Variants in LONRF1 observed in about 807,000 individuals in gnomAD.
LONRF1 encodes the protein LON peptidase N-terminal domain and ring finger 1.
Under a neutral mutation model 85.8 loss-of-function variants are expected in LONRF1, and 37 were observed. That is an observed-to-expected ratio of 0.43 (90% confidence interval 0.33 to 0.57). The LOEUF is 0.57. Among genes scored for constraint, LONRF1 ranks in the 20% least tolerant of loss-of-function variants. The pLI, the probability that LONRF1 is intolerant of heterozygous loss-of-function variation, is 0.04. For synonymous variants in LONRF1, 517 were observed against 390.1 expected (o/e 1.33, Z -3.83); for missense variants, 1,036 against 978.0 (o/e 1.06, Z -0.79).
rs3839870 is a variant in LONRF1, at chr8:12,722,784, GCA to G, written c.*310_*311del. On this transcript the variant is annotated 3_prime_UTR_variant, in exon 12 of 12. Transcript: ENST00000398246. ...CCAACCCCCACAAGCACACACGCAC[GCA>G]CACACACACACACACTCTCTCACAG... 1,326 of 173,198 alleles carry G rather than the reference GCA, an allele frequency of 7.7e-3. No homozygotes were observed. Among genetic ancestry groups the G allele is most frequent in the Middle Eastern group, 0.025 (10 of 408 alleles). The allele number at this position is 173,198 out of a possible 1,614,324, so 10.7% of individuals were successfully genotyped here.
intron 2 of LONRF1, 150 bp downstream of exon 2, chr8:12,743,014 T>G (rs189734062): frequency 1.6e-6 from 1 of 621,676 alleles, no homozygotes; most frequent in African/African-American, 1.9e-5. Context: ...AAATGAGCCA[T>G]TGCACCTAGG....
chr8:12,752,252 A>C (rs1799437274), intron 1 of LONRF1, among the ~76,000 whole-genome samples: 1 of 152,222 alleles, frequency 6.6e-6, no homozygotes, highest in Admixed American at 6.5e-5. Flanking sequence ...TAGCTTGCCA[A>C]TTCCAAAGAA....
intron 1 of LONRF1, among the ~76,000 whole-genome samples, chr8:12,751,398 C>T (rs1395601103): frequency 1.4e-5 from 2 of 138,184 alleles, no homozygotes; most frequent in Admixed American, 1.6e-4. Flanking sequence ...CCTCCACTTT[C>T]CGGGTTCAAG....
intron 1 of LONRF1, among the ~76,000 whole-genome samples, chr8:12,744,290 C>G (rs533981520): frequency 3.9e-5 from 6 of 152,148 alleles, no homozygotes; most frequent in African/African-American, 1.4e-4. Flanking sequence ...TTTAGGAAGG[C>G]CTCTTTCAGT....
chr8:12,738,430 AAAAAG>A (rs1798804699), intron 3 of LONRF1, among the ~76,000 whole-genome samples: 1 of 152,194 alleles, frequency 6.6e-6, no homozygotes, highest in Non-Finnish European at 1.5e-5. Context: ...CAAAGACTAT[AAAAAG>A]ATCTTAAAAG....
chr8:12,732,067 C>T (rs1798548166), intron 7 of LONRF1, among the ~76,000 whole-genome samples: 1 of 152,214 alleles, frequency 6.6e-6, no homozygotes, highest in African/African-American at 2.4e-5. Flanking sequence ...TTGGCTGCAA[C>T]CTGAACCAAG....
At chr8:12,752,691 T>C (rs2117361408) in intron 1 of LONRF1, among the ~76,000 whole-genome samples, 1 of 152,324 alleles carries the variant, frequency 6.6e-6, no homozygotes, top group East Asian at 1.9e-4. Flanking sequence ...AGAATCTCTG[T>C]TAACTAAAAT....
chr8:12,741,045 TA>T (rs758985100), intron 2 of LONRF1, 49 bp from the exon 3 acceptor site: 2 of 1,591,456 alleles, frequency 1.3e-6, no homozygotes, highest in Admixed American at 3.5e-5. Flanking sequence ...AATTGCTTTT[TA>T]AAAAATCATT....
intron 1 of LONRF1, among the ~76,000 whole-genome samples, chr8:12,745,321 G>GAAAA (rs36196945): frequency 8.2e-6 from 1 of 122,326 alleles, no homozygotes; most frequent in Admixed American, 8.3e-5. Flanking sequence ...TATTTTTTTG[G>GAAAA]AAAAAAAAAA....
intron 8 of LONRF1, among the ~76,000 whole-genome samples, chr8:12,730,615 C>A (rs1798491980): frequency 6.6e-6 from 1 of 152,144 alleles, no homozygotes; most frequent in African/African-American, 2.4e-5. Context: ...GTTGTGTCAC[C>A]ATGTTTAAAT....
chr8:12,724,881 T>C (rs1197784111), intron 11 of LONRF1, among the ~76,000 whole-genome samples: 5 of 152,216 alleles, frequency 3.3e-5, no homozygotes, highest in Admixed American at 2.6e-4. Flanking sequence ...AAGGATTCAA[T>C]TGGGATTCAG....
rs770005318 is a variant in LONRF1, at chr8:12,723,195, T to C, written c.2223A>G (p.Pro741=). ...WWLLAVLPVD[P]RYQLSVLSMK... ...TTGACAAAACCGACAGCTGGTATCG[T>C]GGGTCTACAGGGAGAACTGCAAGAA... Residue 741 remains proline, a synonymous_variant, in exon 12 of 12, where the codon CCA becomes CCG. Transcript: ENST00000398246. The C allele has an allele frequency of 3.1e-6, 5 of 1,614,048 alleles. 1 individual carries two copies. In the South Asian group the frequency reaches 3.3e-5, roughly 11 times the overall value.
At chr8:12,734,288 ACATATC>A (rs1210453970) in intron 7 of LONRF1, among the ~76,000 whole-genome samples, 2 of 152,226 alleles carry the variant, frequency 1.3e-5, no homozygotes, top group Non-Finnish European at 2.9e-5. Context: ...TATGTAAGAC[ACATATC>A]AAATGTAATA....
intron 10 of LONRF1, among the ~76,000 whole-genome samples, chr8:12,727,046 T>G (rs549025903): frequency 6.7e-6 from 1 of 150,214 alleles, no homozygotes; most frequent in African/African-American, 2.4e-5. Flanking sequence ...GGTCCTGAAA[T>G]GACTATACAT....
intron 4 of LONRF1, 40 bp downstream of exon 4, chr8:12,737,955 G>T: frequency 6.4e-7 from 1 of 1,563,854 alleles, no homozygotes; most frequent in South Asian, 1.3e-5. Context: ...GTAAAGAAAT[G>T]GATACGCTAA....
intron 7 of LONRF1, among the ~76,000 whole-genome samples, chr8:12,733,993 G>A (rs1198125796): frequency 6.6e-6 from 1 of 152,050 alleles, no homozygotes. Flanking sequence ...TTTAAAGAGG[G>A]AATATCCCTA....
At chr8:12,749,649 T>C (rs1799300330) in intron 1 of LONRF1, among the ~76,000 whole-genome samples, 1 of 152,158 alleles carries the variant, frequency 6.6e-6, no homozygotes, top group Non-Finnish European at 1.5e-5. Context: ...AAAAAACAAA[T>C]TATTCATTTG....
rs768688367 is a variant in LONRF1, at chr8:12,755,180, C to T, written c.241G>A (p.Ala81Thr). The change falls in exon 1 of 12, where the codon GCC (alanine) becomes ACC (threonine). Residue 81 changes from alanine to threonine, a missense_variant. Coordinates refer to ENST00000398246, the MANE Select transcript of LONRF1 (RefSeq NM_152271.5). ...AGGGCGCCCAGGCACTCGGGCCTGG[C>T]CGGGGCCCCGCGGCGCAGCGCCGCC... Reference protein sequence around the residue: ...FAAALRRGAPARPECLGALVD... With the variant: ...FAAALRRGAPTRPECLGALVD... 3.7e-4 allele frequency: 490 copies of T among 1,336,732 alleles called. No individual in the cohort carries two copies. The highest frequency in any genetic ancestry group is 4.6e-4 in the Non-Finnish European group (480 of 1,051,222). The allele number at this position is 1,336,732 out of a possible 1,614,324, so 82.8% of individuals were successfully genotyped here. A position where few individuals can be genotyped will look rare whatever the true frequency, so the allele number is the denominator to read the frequency against.
chr8:12,748,812 T>TG (rs1163565035), intron 1 of LONRF1, among the ~76,000 whole-genome samples: 1 of 151,714 alleles, frequency 6.6e-6, no homozygotes, highest in Non-Finnish European at 1.5e-5. Flanking sequence ...TATCAATTTT[T>TG]TTTTTTTGCT....
Sources: gnomAD v4.1 joint callset for allele counts (sites outside exome capture counted in the v4.1 genomes callset) on GRCh38, gnomAD v4.1.1 for gene constraint, MANE v1.5 for transcripts, NCBI Gene and HGNC (gene_info 2026-07-23, HGNC 2026-07-21) for gene names.